The following KLF12 variants were observed in gnomAD, a reference collection of about 807,000 sequenced individuals.
The protein encoded by KLF12 is Krueppel-like factor 12.
In KLF12, 9 loss-of-function variants were observed where a neutral mutation model predicts 37.8. The observed-to-expected ratio is 0.24, with a 90% CI of 0.14 to 0.42. The LOEUF (loss-of-function observed/expected upper bound fraction) is 0.42, where lower values mean the gene tolerates loss of function less well. KLF12 is among the 10% of genes least tolerant of loss of function. KLF12 has a pLI of 1.00. For synonymous variants in KLF12, 208 were observed against 202.1 expected (o/e 1.03, Z -0.25); for missense variants, 411 against 516.0 (o/e 0.80, Z 1.97).
intron 4 of KLF12, among the ~76,000 whole-genome samples, chr13:73,818,521 C>T (rs941785493): frequency 5.3e-5 from 8 of 152,266 alleles, no homozygotes; most frequent in Admixed American, 2.0e-4. Context: ...CTCCCCTCAC[C>T]CCAGCCTGCC....
the KLF12 span, among the ~76,000 whole-genome samples, chr13:74,235,184 G>A: frequency 6.6e-6 from 1 of 152,144 alleles, no homozygotes; most frequent in South Asian, 2.1e-4. Context: ...AGCAAAAATT[G>A]GGCTTTGACT....
At chr13:74,026,567 A>G (rs1892980325) in intron 1 of KLF12, among the ~76,000 whole-genome samples, 1 of 152,216 alleles carries the variant, frequency 6.6e-6, no homozygotes, top group African/African-American at 2.4e-5. Flanking sequence ...CATGTTAGAT[A>G]CAGTTACATG....
At chr13:74,271,311 T>C in the KLF12 span, among the ~76,000 whole-genome samples, 1 of 152,150 alleles carries the variant, frequency 6.6e-6, no homozygotes, top group South Asian at 2.1e-4. Flanking sequence ...ACATAAAGCT[T>C]AAGGAGAAAA....
intron 3 of KLF12, among the ~76,000 whole-genome samples, chr13:73,909,150 T>C (rs1032463317): frequency 6.6e-6 from 1 of 152,192 alleles, no homozygotes; most frequent in African/African-American, 2.4e-5. Context: ...ACAAAATCTT[T>C]TGAAGGTGCA....
the KLF12 span, among the ~76,000 whole-genome samples, chr13:74,196,917 G>A: frequency 6.6e-6 from 1 of 152,076 alleles, no homozygotes; most frequent in Non-Finnish European, 1.5e-5. Flanking sequence ...AATTTAAAAT[G>A]TGCATGCATG....
chr13:73,798,343 C>T (rs1235326411), intron 5 of KLF12, among the ~76,000 whole-genome samples: 1 of 152,180 alleles, frequency 6.6e-6, no homozygotes, highest in Admixed American at 6.5e-5. Flanking sequence ...GCAATACCAA[C>T]CTGGACATAG....
intron 4 of KLF12, among the ~76,000 whole-genome samples, chr13:73,841,809 G>T (rs965864803): frequency 1.3e-5 from 2 of 152,040 alleles, no homozygotes; most frequent in Admixed American, 6.6e-5. Context: ...CCACCACTGT[G>T]GGGGGGCTAA....
intron 1 of KLF12, among the ~76,000 whole-genome samples, chr13:74,087,911 G>A (rs1220605541): frequency 6.6e-6 from 1 of 152,008 alleles, no homozygotes; most frequent in Non-Finnish European, 1.5e-5. Context: ...AGAAAAGAAG[G>A]AACTGCCCAT....
chr13:73,955,750 C>A (rs773407496), intron 2 of KLF12, among the ~76,000 whole-genome samples: 1 of 152,180 alleles, frequency 6.6e-6, no homozygotes, highest in Non-Finnish European at 1.5e-5. Context: ...CACAAAGTGG[C>A]CTGTAATTTG....
At chr13:73,886,060 T>A (rs1261540111) in intron 3 of KLF12, among the ~76,000 whole-genome samples, 1 of 151,950 alleles carries the variant, frequency 6.6e-6, no homozygotes, top group Non-Finnish European at 1.5e-5. Context: ...GTAGTAGAGG[T>A]CAGAATCAAG....
At chr13:73,994,651 TA>T (rs1384967622) in intron 2 of KLF12, among the ~76,000 whole-genome samples, 3 of 152,066 alleles carry the variant, frequency 2.0e-5, no homozygotes, top group Non-Finnish European at 2.9e-5. Context: ...TGATGTATAT[TA>T]AAAAAAATCT....
intron 1 of KLF12, among the ~76,000 whole-genome samples, chr13:74,008,760 A>G (rs1467959368): frequency 6.6e-6 from 1 of 152,238 alleles, no homozygotes; most frequent in Non-Finnish European, 1.5e-5. Flanking sequence ...TCTGCAAGAC[A>G]ACTGTAATGA....
At position 73,990,830 on chromosome 13, in the gene KLF12, G is replaced by GT. The variant is rs563739215; in HGVS notation, c.33+4159dup. Among the ~76,000 whole-genome samples the GT allele has an allele frequency of 7.2e-5, 11 of 151,960 alleles. No homozygotes were observed. The South Asian group carries it at 2.3e-3, about 32-fold the overall frequency. On this transcript the variant is annotated intron_variant, in intron 2 of 7. Transcript: ENST00000377669. ...AGAAGCAAACTAAAAAATATTCTTT[G>GT]TAAGAGATGCAAGGTATAAATATGA...
At chr13:74,293,305 G>A in the KLF12 span, among the ~76,000 whole-genome samples, 3 of 152,224 alleles carry the variant, frequency 2.0e-5, no homozygotes, top group Non-Finnish European at 4.4e-5. Context: ...TACCCTTTCT[G>A]AGGTCTACTA....
intron 3 of KLF12, among the ~76,000 whole-genome samples, chr13:73,885,031 A>G (rs1024600788): frequency 1.3e-5 from 2 of 152,152 alleles, no homozygotes; most frequent in Admixed American, 6.5e-5. Context: ...CAGTACTGAG[A>G]TGCTTTAGGA....
rs1035304401 is a variant in KLF12, at chr13:73,875,086, G to A, written c.124-28713C>T. Among the ~76,000 whole-genome samples the A allele has an allele frequency of 1.1e-4, 16 of 151,870 alleles. No individual in the cohort carries two copies. In the South Asian group the frequency reaches 1.5e-3, roughly 14 times the overall value. On this transcript the variant is annotated intron_variant, in intron 3 of 7. Coordinates refer to ENST00000377669, the MANE Select transcript of KLF12 (RefSeq NM_007249.5). ...AAAAGAATACTTAAGTGAAAAGAAC[G>A]TAGTAGTTATTGCCAAATTAGGAAG... is the stretch of plus-strand genomic sequence containing the variant.
intron 7 of KLF12, among the ~76,000 whole-genome samples, chr13:73,710,748 A>G (rs1177903675): frequency 8.0e-6 from 1 of 124,440 alleles, no homozygotes; most frequent in African/African-American, 3.5e-5. Flanking sequence ...GAGACACAAC[A>G]ATATTGAAAT....
At chr13:73,788,559 G>A (rs1482127916) in intron 5 of KLF12, among the ~76,000 whole-genome samples, 1 of 152,190 alleles carries the variant, frequency 6.6e-6, no homozygotes, top group East Asian at 1.9e-4. Flanking sequence ...TAAAGGATGG[G>A]TCAGCCCTGG....
chr13:73,728,300 T>C (rs1217685325), intron 6 of KLF12, among the ~76,000 whole-genome samples: 5 of 152,252 alleles, frequency 3.3e-5, no homozygotes, highest in Non-Finnish European at 1.5e-5. Flanking sequence ...TGTTTGTTTA[T>C]TCATCTTGTG....
Sources: gnomAD v4.1 joint callset for allele counts (sites outside exome capture counted in the v4.1 genomes callset) on GRCh38, gnomAD v4.1.1 for gene constraint, MANE v1.5 for transcripts, NCBI Gene and HGNC (gene_info 2026-07-23, HGNC 2026-07-21) for gene names.